DCLK1: variants seen among roughly 807,000 people sequenced by gnomAD.
DCLK1 encodes doublecortin like kinase 1, also known as serine/threonine-protein kinase DCLK1.
A neutral mutation model predicts 86.2 loss-of-function variants in DCLK1; 16 were observed. That is an observed-to-expected ratio of 0.19 (90% CI 0.13 to 0.28). DCLK1 has a LOEUF of 0.28. DCLK1 is among the 10% of genes least tolerant of loss of function. DCLK1 has a pLI of 1.00. For missense variants in DCLK1, 590 were observed against 940.2 expected, an observed-to-expected ratio of 0.63 and a Z score of 4.87; for synonymous variants, 369 against 370.5, an observed-to-expected ratio of 1.00 and a Z score of 0.05.
At chr13:35,873,389 T>G (rs917416416) in intron 4 of DCLK1, among the ~76,000 whole-genome samples, 3 of 152,132 alleles carry the variant, frequency 2.0e-5, no homozygotes, top group African/African-American at 7.2e-5. Context: ...ATTGTACTTT[T>G]TTTTTTCCCC....
chr13:36,102,987 G>A (rs978512646), intron 3 of DCLK1, among the ~76,000 whole-genome samples: 2 of 152,200 alleles, frequency 1.3e-5, no homozygotes, highest in Non-Finnish European at 2.9e-5. Context: ...GGCTTGATAC[G>A]TTTCCCACAT....
intron 11 of DCLK1, among the ~76,000 whole-genome samples, chr13:35,816,268 C>T (rs532684599): frequency 6.6e-6 from 1 of 152,244 alleles, no homozygotes; most frequent in South Asian, 2.1e-4. Context: ...CTAAACTCAC[C>T]CATAATCTTG....
intron 3 of DCLK1, among the ~76,000 whole-genome samples, chr13:36,014,220 T>C (rs899194982): frequency 1.3e-5 from 2 of 152,194 alleles, no homozygotes; most frequent in Non-Finnish European, 2.9e-5. Context: ...TATTCGGCCA[T>C]CTTGGCTCCT....
chr13:35,843,314 G>A (rs7989011), intron 6 of DCLK1, among the ~76,000 whole-genome samples: 1,642 of 152,232 alleles, frequency 0.011, 25 homozygotes, highest in African/African-American at 0.037. Context: ...CCCCCAAGCA[G>A]ATTTAATGGG....
At chr13:36,106,762 T>C (rs929365080) in intron 3 of DCLK1, among the ~76,000 whole-genome samples, 1 of 152,196 alleles carries the variant, frequency 6.6e-6, no homozygotes, top group African/African-American at 2.4e-5. Context: ...CTAAATTTCT[T>C]ACATTTTGTC....
chr13:35,860,253 A>G (rs1871303346), intron 5 of DCLK1, among the ~76,000 whole-genome samples: 1 of 151,648 alleles, frequency 6.6e-6, no homozygotes, highest in South Asian at 2.1e-4. Flanking sequence ...TCATTCCCTA[A>G]AATCTCTTTC....
At chr13:35,869,414 G>C (rs1037173025) in intron 5 of DCLK1, among the ~76,000 whole-genome samples, 2 of 152,190 alleles carry the variant, frequency 1.3e-5, no homozygotes, top group African/African-American at 4.8e-5. Context: ...TTGGCATCTG[G>C]TACTCTCCTT....
At chr13:35,917,376 G>T (rs927284821) in intron 4 of DCLK1, among the ~76,000 whole-genome samples, 3 of 152,078 alleles carry the variant, frequency 2.0e-5, no homozygotes, top group African/African-American at 7.2e-5. Context: ...GGTTTTGTTC[G>T]GTTTTGTTTG....
In DCLK1 at chr13:35,864,199, TG is replaced by T. The variant is rs774754657; in HGVS notation, c.940+7024del. On this transcript the variant is annotated intron_variant, in intron 5 of 16. Coordinates refer to ENST00000360631, the MANE Select transcript of DCLK1 (RefSeq NM_001330071.2). ...GAATTGAAAGGTGTGAGGCACTCAT[TG>T]GGCCTCAGTTATGTCTGCTAAGGGT... is the stretch of plus-strand genomic sequence containing the variant. Among the ~76,000 whole-genome samples the T allele has an allele frequency of 9.3e-4, 142 of 152,326 alleles. 1 individual carries two copies. The highest frequency in any genetic ancestry group is 4.1e-4 in the Non-Finnish European group (28 of 68,026).
At position 35,808,265 on chromosome 13, in the gene DCLK1, A is replaced by C; in HGVS notation, c.1822T>G (p.Phe608Val). 6.2e-7 allele frequency: 1 copy of C among 1,614,114 alleles called. No individual in the cohort carries two copies. The highest frequency in any genetic ancestry group is 8.5e-7 in the Non-Finnish European group (1 of 1,179,982). The change falls in exon 14 of 17, where the codon TTT (phenylalanine) becomes GTT (valine). Residue 608 changes from phenylalanine (F) to valine (V), a missense_variant. Phe to Val is a conservative substitution (Grantham distance 50, BLOSUM62 -1). Around this residue, in one of 6 missense-constraint regions of DCLK1, gnomAD observed 146 missense variants for 190.2 expected, o/e 0.77. Transcript: ENST00000360631. ...FDQILMGQVD[F>V]PSPYWDNVSD... is the part of the protein sequence containing the mutation. ...ACATTATCCCAGTATGGAGAAGGAA[A>C]GTCCACCTGCCCCATCAAAATCTGA...
intron 4 of DCLK1, among the ~76,000 whole-genome samples, chr13:35,893,257 G>A (rs1316177104): frequency 6.6e-6 from 1 of 152,174 alleles, no homozygotes; most frequent in Non-Finnish European, 1.5e-5. Context: ...TATTCCTGCT[G>A]TTGGCTCACA....
At chr13:36,037,948 A>G (rs1252975415) in intron 3 of DCLK1, among the ~76,000 whole-genome samples, 2 of 152,210 alleles carry the variant, frequency 1.3e-5, no homozygotes, top group Non-Finnish European at 2.9e-5. Flanking sequence ...ATAATGTGTC[A>G]GAGACACATT....
chr13:36,013,614 A>C (rs1185536376), intron 3 of DCLK1, among the ~76,000 whole-genome samples: 18 of 152,204 alleles, frequency 1.2e-4, no homozygotes, highest in South Asian at 4.2e-4. Flanking sequence ...TGCTGGGAGA[A>C]CCACTGCTCT....
chr13:35,823,694 A>C (rs1287092606), intron 10 of DCLK1, among the ~76,000 whole-genome samples: 4 of 152,200 alleles, frequency 2.6e-5, no homozygotes, highest in African/African-American at 9.6e-5. Flanking sequence ...ATTTACTATC[A>C]ATATGTGCAT....
intron 5 of DCLK1, among the ~76,000 whole-genome samples, chr13:35,857,893 G>A (rs896094371): frequency 6.6e-6 from 1 of 152,248 alleles, no homozygotes; most frequent in Non-Finnish European, 1.5e-5. Flanking sequence ...AGTAAAGCAA[G>A]TATGTGGGGT....
intron 11 of DCLK1, among the ~76,000 whole-genome samples, chr13:35,817,245 A>G (rs750168378): frequency 5.3e-5 from 8 of 152,334 alleles, no homozygotes; most frequent in Admixed American, 1.3e-4. Context: ...ATGAAATCAC[A>G]GGTCTTTGAA....
intron 4 of DCLK1, among the ~76,000 whole-genome samples, chr13:35,918,983 A>C (rs998595998): frequency 7.3e-6 from 1 of 136,062 alleles, no homozygotes; most frequent in Non-Finnish European, 1.5e-5. Context: ...GCTCACTGCA[A>C]CCTCTGCTTC....
intron 11 of DCLK1, among the ~76,000 whole-genome samples, chr13:35,819,991 G>T (rs1267739060): frequency 6.6e-6 from 1 of 152,198 alleles, no homozygotes; most frequent in Non-Finnish European, 1.5e-5. Context: ...GGCAGTGGAA[G>T]AGTGAACCGC....
At chr13:36,019,579 G>A (rs990310032) in intron 3 of DCLK1, among the ~76,000 whole-genome samples, 4 of 152,086 alleles carry the variant, frequency 2.6e-5, no homozygotes. Context: ...TCATATCCCT[G>A]AAGCTTCATG....
Sources: gnomAD v4.1 joint callset for allele counts (sites outside exome capture counted in the v4.1 genomes callset) on GRCh38, gnomAD v4.1.1 for gene constraint, gnomAD v4.1.1 regional missense constraint, MANE v1.5 for transcripts, NCBI Gene and HGNC (gene_info 2026-07-23, HGNC 2026-07-21) for gene names.